Variants in SCN11A observed in about 807,000 individuals in gnomAD.
SCN11A encodes sodium channel protein type 11 subunit alpha.
SCN11A carries 122 observed loss-of-function variants against 162.2 expected under a neutral mutation model. That is an observed-to-expected ratio of 0.75 (90% CI 0.65 to 0.87). The LOEUF (loss-of-function observed/expected upper bound fraction) is 0.87. SCN11A is among the 40% of genes least tolerant of loss of function. SCN11A has a pLI of 0.00. For missense variants in SCN11A, 2,015 were observed against 2,181.6 expected (o/e 0.92, Z 1.52); for synonymous variants, 758 against 751.5 (o/e 1.01, Z -0.14).
At chr3:38,854,448 T>G (rs1394757459) in intron 28 of SCN11A, among the ~76,000 whole-genome samples, 1 of 152,058 alleles carries the variant, frequency 6.6e-6, no homozygotes, top group East Asian at 1.9e-4. Flanking sequence ...TCATCAAAAT[T>G]GAAAAAAGCA....
intron 11 of SCN11A, among the ~76,000 whole-genome samples, chr3:38,913,299 T>C (rs553097899): frequency 6.6e-6 from 1 of 152,296 alleles, no homozygotes; most frequent in Admixed American, 6.5e-5. Context: ...AAAAAGTCTA[T>C]TCATGTCCTT....
At chr3:38,852,527 C>T (rs1378441205) in intron 28 of SCN11A, among the ~76,000 whole-genome samples, 1 of 152,166 alleles carries the variant, frequency 6.6e-6, no homozygotes, top group Non-Finnish European at 1.5e-5. Flanking sequence ...TATGTCACTT[C>T]AGAACGCAGT....
At chr3:39,011,498 C>T (rs988869490) in intron 2 of SCN11A, among the ~76,000 whole-genome samples, 36 of 152,238 alleles carry the variant, frequency 2.4e-4, no homozygotes, top group Admixed American at 1.8e-3. Flanking sequence ...CTGAGGTCTA[C>T]GTGCCAGCAG....
At chr3:39,001,299 C>T (rs939827970) in intron 2 of SCN11A, among the ~76,000 whole-genome samples, 1 of 152,216 alleles carries the variant, frequency 6.6e-6, no homozygotes, top group Admixed American at 6.5e-5. Flanking sequence ...CTCCAGTCCC[C>T]AGCCCTTGGC....
intron 23 of SCN11A, among the ~76,000 whole-genome samples, chr3:38,877,052 CTA>C (rs200314072): frequency 0.28 from 8,612 of 30,536 alleles, 582 homozygotes; most frequent in East Asian, 0.49. Flanking sequence ...GGTGTATATA[CTA>C]TATATATGGT....
At chr3:38,881,160 A>G (rs2065302985) in intron 22 of SCN11A, among the ~76,000 whole-genome samples, 1 of 152,234 alleles carries the variant, frequency 6.6e-6, no homozygotes, top group Non-Finnish European at 1.5e-5. Flanking sequence ...ATTTCAGCTT[A>G]GCTGATATTT....
At chr3:38,963,143 A>G (rs1294396647) in intron 2 of SCN11A, among the ~76,000 whole-genome samples, 1 of 150,906 alleles carries the variant, frequency 6.6e-6, no homozygotes, top group African/African-American at 2.4e-5. Flanking sequence ...CAGTGTGGAA[A>G]TTCCTTAAAG....
At chr3:38,925,079 T>C (rs2066116592) in intron 9 of SCN11A, among the ~76,000 whole-genome samples, 1 of 152,112 alleles carries the variant, frequency 6.6e-6, no homozygotes, top group Admixed American at 6.6e-5. Flanking sequence ...TGGTGTCTAC[T>C]TTTTCTTTAT....
intron 7 of SCN11A, among the ~76,000 whole-genome samples, chr3:38,928,759 T>C (rs2066184787): frequency 6.6e-6 from 1 of 152,162 alleles, no homozygotes; most frequent in African/African-American, 2.4e-5. Flanking sequence ...TTAGGATGGC[T>C]ACTATTTTTT....
At chr3:39,046,104 AC>A (rs1258843038) in intron 1 of SCN11A, among the ~76,000 whole-genome samples, 2 of 152,310 alleles carry the variant, frequency 1.3e-5, no homozygotes, top group East Asian at 3.9e-4. Context: ...TACTAAAAAT[AC>A]AAAAATTAGC....
intron 3 of SCN11A, among the ~76,000 whole-genome samples, chr3:38,958,102 A>G (rs936765328): frequency 6.6e-6 from 1 of 152,192 alleles, no homozygotes; most frequent in Admixed American, 6.5e-5. Context: ...TATAAAAGTC[A>G]CATAGCCTCA....
intron 12 of SCN11A, 50 bp downstream of exon 12, chr3:38,910,016 A>G: frequency 6.4e-7 from 1 of 1,567,050 alleles, no homozygotes; most frequent in East Asian, 2.3e-5. Flanking sequence ...GGGGGAAGGA[A>G]AAGGATGGAG....
At chr3:39,002,975 C>A (rs2030861814) in intron 2 of SCN11A, among the ~76,000 whole-genome samples, 2 of 152,252 alleles carry the variant, frequency 1.3e-5, no homozygotes, top group Admixed American at 6.5e-5. Flanking sequence ...CAGTGCTTTG[C>A]CTACCCAACT....
chr3:38,971,267 TCAG>T (rs890321971), intron 2 of SCN11A, among the ~76,000 whole-genome samples: 2 of 151,940 alleles, frequency 1.3e-5, no homozygotes, highest in Non-Finnish European at 2.9e-5. Context: ...TACACAGAGC[TCAG>T]CAGAAGAGAC....
intron 29 of SCN11A, among the ~76,000 whole-genome samples, chr3:38,848,436 C>T (rs1431876277): frequency 6.6e-6 from 1 of 152,018 alleles, no homozygotes; most frequent in Non-Finnish European, 1.5e-5. Flanking sequence ...CCCCTAATGA[C>T]CTTGAGTGTC....
At chr3:39,007,638 A>G (rs1337249092) in intron 2 of SCN11A, among the ~76,000 whole-genome samples, 1 of 152,256 alleles carries the variant, frequency 6.6e-6, no homozygotes, top group Non-Finnish European at 1.5e-5. Flanking sequence ...AGGTTGGGGA[A>G]TACATCATTG....
chr3:38,923,770 G>C (rs982304671), intron 9 of SCN11A, among the ~76,000 whole-genome samples: 1 of 152,092 alleles, frequency 6.6e-6, no homozygotes, highest in Non-Finnish European at 1.5e-5. Context: ...ATTTGTGGGG[G>C]TTGGGAGGAC....
rs1374374961 is a variant in SCN11A, at chr3:38,985,598, C to G, written c.-279-25175G>C. Among the ~76,000 whole-genome samples the G allele has an allele frequency of 2.0e-5, 3 of 150,934 alleles. 1 individual carries two copies. The highest frequency in any genetic ancestry group is 7.4e-5 in the African/African-American group (3 of 40,302). ...TTTGTGAAACCATTTCAAGAAAAAG[C>G]TGTCTTACATAATTTGCTGATGTGG... On this transcript the variant is annotated intron_variant, in intron 2 of 29. Transcript: ENST00000302328.
chr3:38,938,506 T>C (rs28864400), intron 7 of SCN11A, among the ~76,000 whole-genome samples: 10,607 of 97,890 alleles, frequency 0.11, 760 homozygotes, highest in East Asian at 0.27. Context: ...GAAGGAAAAA[T>C]ATCATATATA....
Sources: allele counts gnomAD v4.1 joint callset (sites outside exome capture counted in the v4.1 genomes callset), GRCh38; gene constraint gnomAD v4.1.1; transcripts MANE v1.5; gene names NCBI Gene and HGNC (gene_info 2026-07-23, HGNC 2026-07-21).